Variants in NUCB2 observed in about 807,000 individuals in gnomAD.
NUCB2 encodes nucleobindin-2.
NUCB2 carries 48 observed loss-of-function variants against 57.9 expected under a neutral mutation model. The observed-to-expected ratio is 0.83, with a 90% confidence interval of 0.66 to 1.05. The LOEUF (loss-of-function observed/expected upper bound fraction) is 1.05. NUCB2 is among the 50% of genes least tolerant of loss of function. NUCB2 has a pLI of 0.00. For missense variants in NUCB2, 442 were observed against 476.2 expected (o/e 0.93, Z 0.67); for synonymous variants, 139 against 152.1 (o/e 0.91, Z 0.64).
rs1355089117 is a variant in NUCB2, at chr11:17,347,045, C to CA, written n.2627-2299dup. Among the ~76,000 whole-genome samples, 17 of 152,318 alleles carry CA rather than the reference C, an allele frequency of 1.1e-4. No individual in the cohort carries two copies. In the East Asian group the frequency reaches 3.3e-3, roughly 29 times the overall value. On this transcript the variant is annotated intron_variant and non_coding_transcript_variant, in intron 2 of 2. Transcript: ENST00000532240. ...ACACAGCCTCAGAAAGTCCTGACGA[C>CA]ATGTGCCCAAGGTGGTCGGGGCACA...
At chr11:17,338,915 C>T (rs1029373027) in intron 2 of NUCB2, among the ~76,000 whole-genome samples, 6 of 152,128 alleles carry the variant, frequency 3.9e-5, no homozygotes, top group East Asian at 1.9e-4. Flanking sequence ...CCACCTGCGT[C>T]GGCCTCCCAA....
intron 4 of NUCB2, among the ~76,000 whole-genome samples, chr11:17,296,579 G>A (rs900327854): frequency 4.6e-5 from 7 of 152,120 alleles, no homozygotes; most frequent in Non-Finnish European, 1.0e-4. Flanking sequence ...GAAGCAGTGG[G>A]GCGAGGTGGG....
intron 2 of NUCB2, among the ~76,000 whole-genome samples, chr11:17,288,950 C>CACACACAT (rs1944414979): frequency 1.2e-4 from 4 of 33,166 alleles, no homozygotes; most frequent in Non-Finnish European, 1.9e-4. Flanking sequence ...CACACACACA[C>CACACACAT]ATATATATAT....
chr11:17,285,193 C>T (rs998036706), intron 2 of NUCB2, among the ~76,000 whole-genome samples: 4 of 151,966 alleles, frequency 2.6e-5, no homozygotes, highest in African/African-American at 9.7e-5. Flanking sequence ...TTTGGGAGGC[C>T]AAGGCGGGCA....
intron 5 of NUCB2, 43 bp downstream of exon 5, chr11:17,301,913 C>G (rs1456792112): frequency 5.1e-6 from 8 of 1,561,160 alleles, no homozygotes; most frequent in Non-Finnish European, 7.0e-6. Context: ...TTCTTTTTTC[C>G]TTTTGAAACA....
intron 2 of NUCB2, among the ~76,000 whole-genome samples, chr11:17,286,361 G>C (rs1480203199): frequency 1.3e-5 from 2 of 152,290 alleles, no homozygotes; most frequent in Middle Eastern, 3.4e-3. Context: ...ACTTGGTTGA[G>C]ACAGGGGAAG....
intron 2 of NUCB2, among the ~76,000 whole-genome samples, chr11:17,348,939 C>T (rs1462331738): frequency 6.6e-6 from 1 of 152,138 alleles, no homozygotes; most frequent in African/African-American, 2.4e-5. Context: ...GCCACCACAC[C>T]TGGCTAAGTT....
chr11:17,280,166 AT>A (rs543820272), intron 1 of NUCB2, among the ~76,000 whole-genome samples: 4 of 152,128 alleles, frequency 2.6e-5, no homozygotes, highest in Admixed American at 6.6e-5. Context: ...AGAGATTATA[AT>A]TTTAATAATA....
downstream of NUCB2, among the ~76,000 whole-genome samples, chr11:17,335,418 A>G (rs1311638432): frequency 2.6e-5 from 4 of 152,212 alleles, no homozygotes; most frequent in Admixed American, 2.6e-4. Flanking sequence ...TGTAATTTAT[A>G]TTATTCAGAA....
chr11:17,328,270 C>T (rs1352205250), intron 11 of NUCB2, among the ~76,000 whole-genome samples: 1 of 152,234 alleles, frequency 6.6e-6, no homozygotes, highest in African/African-American at 2.4e-5. Context: ...GCTGAGCCAC[C>T]TGGAACTGGA....
At chr11:17,298,985 C>G (rs553248890) in intron 4 of NUCB2, among the ~76,000 whole-genome samples, 2 of 152,260 alleles carry the variant, frequency 1.3e-5, no homozygotes, top group Non-Finnish European at 2.9e-5. Context: ...AGGCGTGAGC[C>G]ACCATGCCCG....
chr11:17,295,561 T>C (rs1412308369), intron 3 of NUCB2, 94 bp downstream of exon 3: 20 of 927,522 alleles, frequency 2.2e-5, no homozygotes, highest in Non-Finnish European at 3.2e-5. Flanking sequence ...AAACTATAAC[T>C]AAATGAAATG....
chr11:17,349,945 T>C (rs1565497010), exon 3 of NUCB2: 1 of 152,198 alleles, frequency 6.6e-6, no homozygotes, highest in African/African-American at 2.4e-5. Flanking sequence ...TGTGCACCAA[T>C]AAAGAACACA....
chr11:17,313,989 T>C (rs979274203), intron 10 of NUCB2, among the ~76,000 whole-genome samples: 2 of 152,216 alleles, frequency 1.3e-5, no homozygotes, highest in Admixed American at 1.3e-4. Flanking sequence ...TCTAGGGTTG[T>C]ATCTGCTTGA....
intron 5 of NUCB2, 81 bp from the exon 6 acceptor site, chr11:17,309,491 T>C (rs1948168515): frequency 3.7e-6 from 3 of 811,724 alleles, no homozygotes; most frequent in African/African-American, 1.8e-5. Flanking sequence ...GGAATAAATA[T>C]GAAATCTTTT....
rs192712493 is a variant in NUCB2 at position 17,317,185 on chromosome 11, G to A, written c.1002+1710G>A. Among the ~76,000 whole-genome samples the A allele has an allele frequency of 2.0e-4, 30 of 151,980 alleles. No homozygotes were observed. In the East Asian group the frequency reaches 5.6e-3, roughly 28 times the overall value. On this transcript the variant is annotated intron_variant, in intron 11 of 13. Transcript: ENST00000529010. ...AAATCCCTGAATACATTTCAACCAG[G>A]TTTAACTACATTTGCTTTATCTTTC...
chr11:17,342,388 C>T (rs1591640232), intron 2 of NUCB2, among the ~76,000 whole-genome samples: 1 of 152,032 alleles, frequency 6.6e-6, no homozygotes, highest in Non-Finnish European at 1.5e-5. Context: ...TTCTCTAGTT[C>T]TTTTAATTGT....
At chr11:17,286,443 G>A (rs1943765640) in intron 2 of NUCB2, among the ~76,000 whole-genome samples, 1 of 152,194 alleles carries the variant, frequency 6.6e-6, no homozygotes, top group African/African-American at 2.4e-5. Flanking sequence ...AGAAGCTTAA[G>A]AACTCTGCTT....
intron 11 of NUCB2, among the ~76,000 whole-genome samples, chr11:17,316,059 G>A (rs535600923): frequency 9.4e-4 from 143 of 152,050 alleles, no homozygotes; most frequent in African/African-American, 3.3e-3. Flanking sequence ...TGCAACCTCC[G>A]CCTCCCAGAT....
Sources: gnomAD v4.1 joint callset for allele counts (sites outside exome capture counted in the v4.1 genomes callset) on GRCh38, gnomAD v4.1.1 for gene constraint, MANE v1.5 for transcripts, NCBI Gene and HGNC (gene_info 2026-07-23, HGNC 2026-07-21) for gene names.